The following ZPLD1 variants were observed in gnomAD, a reference collection of about 807,000 sequenced individuals.
ZPLD1 encodes the protein zona pellucida like domain containing 1.
A neutral mutation model predicts 47.2 loss-of-function variants in ZPLD1; 34 were observed. That is an observed-to-expected ratio of 0.72 (90% CI 0.55 to 0.96). The LOEUF (loss-of-function observed/expected upper bound fraction) is 0.96, where lower values mean the gene tolerates loss of function less well. Ranked by LOEUF, ZPLD1 falls within the 40% of genes least tolerant of loss-of-function variation. The pLI is 0.00. For missense variants in ZPLD1, 512 were observed against 505.8 expected (o/e 1.01, Z -0.12); for synonymous variants, 176 against 186.2 (o/e 0.95, Z 0.45).
At chr3:102,394,074 A>T (rs1308952244) in intron 7 of ZPLD1, among the ~76,000 whole-genome samples, 2 of 152,178 alleles carry the variant, frequency 1.3e-5, no homozygotes, top group African/African-American at 4.8e-5. Flanking sequence ...AACCTTTTAG[A>T]ACCCCCCATA....
At chr3:102,407,414 T>TATA (rs1706701889) in intron 7 of ZPLD1, among the ~76,000 whole-genome samples, 1 of 91,142 alleles carries the variant, frequency 1.1e-5, no homozygotes, top group Non-Finnish European at 2.2e-5. Flanking sequence ...TATATATATA[T>TATA]ATATATATAT....
intron 3 of ZPLD1, among the ~76,000 whole-genome samples, chr3:102,452,114 C>T (rs1233448720): frequency 3.5e-5 from 5 of 141,722 alleles, no homozygotes; most frequent in Non-Finnish European, 6.2e-5. Context: ...ATATGAAGAC[C>T]GTGTGTGTGT....
rs1444852926 is a variant in ZPLD1, at chr3:102,438,603, A to G, written c.106+10A>G. The G allele has an allele frequency of 6.3e-7, 1 of 1,587,932 alleles. No homozygotes were observed. Among genetic ancestry groups the G allele is most frequent in the Non-Finnish European group, 8.6e-7 (1 of 1,156,612 alleles). ...CACAGTAGATTTCCTGGTAAGTGTA[A>G]GCCTAATCTATTCTCTAGTTGTTTC... On this transcript the variant is annotated intron_variant, in intron 3 of 11. Transcript: ENST00000466937.
intron 10 of ZPLD1, among the ~76,000 whole-genome samples, chr3:102,471,534 A>G (rs1225939627): frequency 6.6e-6 from 1 of 152,218 alleles, no homozygotes; most frequent in South Asian, 2.1e-4. Context: ...GTATACAAAT[A>G]TATGTGCATA....
chr3:102,396,609 G>A (rs993801287), intron 7 of ZPLD1, among the ~76,000 whole-genome samples: 3 of 152,120 alleles, frequency 2.0e-5, no homozygotes, highest in African/African-American at 7.2e-5. Context: ...AGCTAATACA[G>A]CACAGTCCCG....
chr3:102,402,310 T>C (rs1367500820), intron 7 of ZPLD1, among the ~76,000 whole-genome samples: 1 of 152,046 alleles, frequency 6.6e-6, no homozygotes, highest in Non-Finnish European at 1.5e-5. Flanking sequence ...AAACATTTAT[T>C]GGGCACTAAC....
chr3:102,458,043 T>A (rs963874811), intron 6 of ZPLD1, among the ~76,000 whole-genome samples, 190 bp downstream of exon 6: 2 of 152,202 alleles, frequency 1.3e-5, no homozygotes, highest in African/African-American at 2.4e-5. Context: ...CCATTAAATT[T>A]TCTAAAAGTT....
At chr3:102,385,178 C>T (rs1027169462) in exon 6 of ZPLD1, 3 of 152,148 alleles carry the variant, frequency 2.0e-5, no homozygotes, top group Non-Finnish European at 4.4e-5. Context: ...CCCACATAGA[C>T]CTTTTTCTAA....
At chr3:102,416,314 GGGTAGTGGTATTCAATATTTATGAAA>G (rs1186219943) in intron 7 of ZPLD1, among the ~76,000 whole-genome samples, 1 of 151,860 alleles carries the variant, frequency 6.6e-6, no homozygotes, top group Non-Finnish European at 1.5e-5. Context: ...TAGGGTATAT[GGGTAGTGGTATTCAATATTTATGAAA>G]TGCTCATTTT....
intron 6 of ZPLD1, among the ~76,000 whole-genome samples, chr3:102,388,451 CTGTCTG>C (rs978211776): frequency 7.6e-6 from 1 of 131,880 alleles, no homozygotes. Flanking sequence ...CTCTCTCTCT[CTGTCTG>C]TGTGTGTGTG....
chr3:102,437,727 T>C (rs1397142955), intron 2 of ZPLD1, among the ~76,000 whole-genome samples: 1 of 152,200 alleles, frequency 6.6e-6, no homozygotes, highest in Non-Finnish European at 1.5e-5. Context: ...CATTTCTATT[T>C]AACTGTTCAA....
chr3:102,452,931 T>C lies in ZPLD1; in HGVS notation c.119T>C (p.Ile40Thr), dbSNP rs569728994. 2.0e-5 allele frequency: 32 copies of C among 1,613,996 alleles called. No individual in the cohort carries two copies. In the South Asian group the frequency reaches 3.0e-4, roughly 15 times the overall value. Residue 40 changes from isoleucine (I) to threonine (T), a missense_variant, in exon 4 of 12, where the codon ATC (isoleucine) becomes ACC (threonine). Ile to Thr is a moderately conservative substitution (Grantham distance 89). Transcript: ENST00000466937. The stretch of plus-strand genomic sequence containing the variant: ...ATTTTTATTTCAGCTGAAAGAGACA[T>C]CAGTGTCTATTGTGGAGTGCAGGCT... The part of the protein sequence containing the change: ...LHSRFPAERD[I>T]SVYCGVQAIT...
At chr3:102,407,597 G>A (rs75860897) in intron 7 of ZPLD1, among the ~76,000 whole-genome samples, 3,750 of 150,494 alleles carry the variant, frequency 0.025, 65 homozygotes, top group South Asian at 0.042. Flanking sequence ...TTATATATTT[G>A]ACTAGTATTT....
At chr3:102,464,345 CTATTATA>C (rs1487686943) in intron 8 of ZPLD1, 94 bp downstream of exon 8, 1 of 814,578 alleles carries the variant, frequency 1.2e-6, no homozygotes, top group East Asian at 2.8e-5. Context: ...TTATAAAGCA[CTATTATA>C]GCTTTTGAAT....
chr3:102,454,882 C>T (rs1967598), intron 4 of ZPLD1, among the ~76,000 whole-genome samples: 73,605 of 152,108 alleles, frequency 0.48, 20,335 homozygotes, highest in African/African-American at 0.75. Flanking sequence ...TTGCTATATA[C>T]ATGTATGTAT....
intron 7 of ZPLD1, among the ~76,000 whole-genome samples, chr3:102,400,660 A>G (rs1012904530): frequency 2.0e-5 from 3 of 151,942 alleles, no homozygotes; most frequent in Admixed American, 6.6e-5. Flanking sequence ...GTACTTTATC[A>G]TTTATTATTT....
At chr3:102,405,281 C>T (rs559944290) in intron 7 of ZPLD1, among the ~76,000 whole-genome samples, 1 of 151,818 alleles carries the variant, frequency 6.6e-6, no homozygotes, top group Non-Finnish European at 1.5e-5. Context: ...TTTTCTTTAC[C>T]CAACACCCAC....
chr3:102,431,916 A>G (rs1022680528), upstream of ZPLD1, among the ~76,000 whole-genome samples: 3 of 152,194 alleles, frequency 2.0e-5, no homozygotes, highest in Non-Finnish European at 4.4e-5. Context: ...TCTCACAAAC[A>G]AACAAACAAA....
At chr3:102,403,804 T>C (rs758287465) in intron 7 of ZPLD1, among the ~76,000 whole-genome samples, 1 of 151,930 alleles carries the variant, frequency 6.6e-6, no homozygotes, top group Non-Finnish European at 1.5e-5. Flanking sequence ...GCGGTGTGAA[T>C]TGAGAAGGTT....
Sources: allele counts gnomAD v4.1 joint callset (sites outside exome capture counted in the v4.1 genomes callset), GRCh38; gene constraint gnomAD v4.1.1; transcripts MANE v1.5; gene names NCBI Gene and HGNC (gene_info 2026-07-23, HGNC 2026-07-21).